Variants in MEIS1 observed in about 807,000 individuals in gnomAD.
MEIS1 encodes the protein Meis homeobox 1.
In MEIS1, 5 loss-of-function variants were observed where a neutral mutation model predicts 50.8. The ratio of observed to expected loss-of-function variants is 0.10; its 90% CI spans 0.05 to 0.21. The LOEUF (loss-of-function observed/expected upper bound fraction) is 0.21, where lower values mean the gene tolerates loss of function less well. Ranked by LOEUF, MEIS1 falls within the 10% of genes least tolerant of loss-of-function variation. The pLI is 1.00. For missense variants in MEIS1, 318 were observed against 517.3 expected, an observed-to-expected ratio of 0.61 and a Z score of 3.74; for synonymous variants, 176 against 179.3, an observed-to-expected ratio of 0.98 and a Z score of 0.15.
chr2:66,532,022 C>CT (rs1388689844), intron 8 of MEIS1, among the ~76,000 whole-genome samples: 2 of 151,588 alleles, frequency 1.3e-5, no homozygotes, highest in East Asian at 1.9e-4. Context: ...GTATTTCTTT[C>CT]TTTTTTTTCT....
chr2:66,564,786 A>C (rs1386947082), intron 9 of MEIS1, among the ~76,000 whole-genome samples: 5 of 151,658 alleles, frequency 3.3e-5, no homozygotes, highest in Admixed American at 1.3e-4. Flanking sequence ...GGTTTGTTAC[A>C]TATGTATACA....
At chr2:66,483,678 A>C in intron 7 of MEIS1, among the ~76,000 whole-genome samples, 1 of 152,208 alleles carries the variant, frequency 6.6e-6, no homozygotes, top group Non-Finnish European at 1.5e-5. Flanking sequence ...CCTTGGGTCT[A>C]CTGGATTCCT....
At chr2:66,571,191 C>G in intron 12 of MEIS1, 55 bp from the exon 13 acceptor site, 1 of 1,530,546 alleles carries the variant, frequency 6.5e-7, no homozygotes, top group Non-Finnish European at 8.8e-7. Flanking sequence ...CAGGACCACA[C>G]TATTGCTTTT....
At chr2:66,506,180 G>C (rs909801343) in intron 7 of MEIS1, among the ~76,000 whole-genome samples, 2 of 152,156 alleles carry the variant, frequency 1.3e-5, no homozygotes, top group Admixed American at 1.3e-4. Flanking sequence ...GAAATAAACA[G>C]TTTTAGCAGA....
At chr2:66,452,600 A>G (rs1455874070) in intron 6 of MEIS1, among the ~76,000 whole-genome samples, 1 of 151,998 alleles carries the variant, frequency 6.6e-6, no homozygotes, top group African/African-American at 2.4e-5. Context: ...AGAAACAGGA[A>G]TTTTACATTT....
intron 8 of MEIS1, among the ~76,000 whole-genome samples, chr2:66,513,461 G>A (rs1268412836): frequency 6.6e-6 from 1 of 152,086 alleles, no homozygotes; most frequent in Non-Finnish European, 1.5e-5. Context: ...TACAAACTCA[G>A]GGGATGTCTG....
intron 8 of MEIS1, among the ~76,000 whole-genome samples, chr2:66,528,634 G>C (rs944979118): frequency 2.6e-5 from 4 of 152,050 alleles, no homozygotes; most frequent in Non-Finnish European, 5.9e-5. Flanking sequence ...TTCCCACCTA[G>C]CTCCATTGCC....
intron 9 of MEIS1, among the ~76,000 whole-genome samples, chr2:66,566,310 A>C (rs1434719715): frequency 6.6e-6 from 1 of 152,164 alleles, no homozygotes; most frequent in Admixed American, 6.5e-5. Flanking sequence ...CTGTCTGTTT[A>C]ATGGTTTGGT....
intron 9 of MEIS1, among the ~76,000 whole-genome samples, chr2:66,556,431 C>G (rs1471984096): frequency 6.6e-6 from 1 of 150,924 alleles, no homozygotes; most frequent in Non-Finnish European, 1.5e-5. Context: ...CTACATGTAA[C>G]TTAGCTCAAA....
intron 9 of MEIS1, among the ~76,000 whole-genome samples, chr2:66,554,268 G>A (rs1400113423): frequency 6.6e-6 from 1 of 152,222 alleles, no homozygotes; most frequent in African/African-American, 2.4e-5. Context: ...TGGTATGCAG[G>A]TCAGCACAAC....
chr2:66,492,055 G>A (rs1306357314), intron 7 of MEIS1, among the ~76,000 whole-genome samples: 1 of 148,706 alleles, frequency 6.7e-6, no homozygotes, highest in Non-Finnish European at 1.5e-5. Context: ...AACAGGAAAA[G>A]TGTGAGCGTT....
Position 66,551,281 on chromosome 2 carries a change from G to A in MEIS1, c.965+3262G>A, listed in dbSNP as rs1674913377. On this transcript the variant is annotated intron_variant, in intron 9 of 12. Coordinates refer to ENST00000272369, the MANE Select transcript of MEIS1 (RefSeq NM_002398.3). ...TAATTTTACATTTCTCGAATTGACA[G>A]TGATATATACTACCTGCCTCAGGTG... Among the ~76,000 whole-genome samples the A allele has an allele frequency of 2.0e-5, 3 of 152,224 alleles. 1 individual carries two copies. The South Asian group carries it at 6.2e-4, about 32-fold the overall frequency.
In MEIS1 at chr2:66,492,296, C is replaced by T. The variant is rs139595937; in HGVS notation, c.743-19853C>T. ...CTTATAGACACAACTCCACATGTTC[C>T]GTAGAAGTTGGAAAATAGAATGTGC... On this transcript the variant is annotated intron_variant, in intron 7 of 12. Transcript: ENST00000272369. Among the ~76,000 whole-genome samples the T allele has an allele frequency of 9.2e-5, 14 of 152,022 alleles. No individual in the cohort carries two copies. The East Asian group carries it at 2.3e-3, about 25-fold the overall frequency.
chr2:66,478,026 T>A (rs1236908914), intron 7 of MEIS1, among the ~76,000 whole-genome samples: 1 of 152,220 alleles, frequency 6.6e-6, no homozygotes, highest in East Asian at 1.9e-4. Flanking sequence ...TGTCACCTGG[T>A]ACTTAGTGTG....
intron 9 of MEIS1, among the ~76,000 whole-genome samples, chr2:66,550,099 A>C (rs1294841890): frequency 6.6e-6 from 1 of 152,218 alleles, no homozygotes. Context: ...ATTTTAAAGT[A>C]TATGCAGACT....
At position 66,494,632 on chromosome 2, in the gene MEIS1, C is replaced by A. The variant is rs1475763220; in HGVS notation, c.743-17517C>A. 2.0e-5 allele frequency among the ~76,000 whole-genome samples: 3 copies of A among 152,338 alleles called. No homozygotes were observed. The South Asian group carries it at 6.2e-4, about 32-fold the overall frequency. On this transcript the variant is annotated intron_variant, in intron 7 of 12. Coordinates refer to ENST00000272369, the MANE Select transcript of MEIS1 (RefSeq NM_002398.3). ...ATTCGCACATGGAAAATGCACCTAC[C>A]TCTGTATTGGAGGATCCCGGAGGAA...
At position 66,571,666 on chromosome 2, in the gene MEIS1, G is replaced by T. The variant is rs1003898276; in HGVS notation, c.*458G>T. ...AATTCTTCATAGGGACCTTTAAAAA[G>T]CAGGAAATACCAACTGAAGTCAATT... On this transcript the variant is annotated 3_prime_UTR_variant, in exon 13 of 13. Transcript: ENST00000272369. 2 of 1,013,810 alleles carry T rather than the reference G, an allele frequency of 2.0e-6. No individual in the cohort carries two copies. Among genetic ancestry groups the T allele is most frequent in the Admixed American group, 5.6e-5 (2 of 35,696 alleles). The allele number at this position is 1,013,810 out of a possible 1,614,324, so 62.8% of individuals were successfully genotyped here. A position where few individuals can be genotyped will look rare whatever the true frequency, so the allele number is the denominator to read the frequency against.
chr2:66,464,099 G>T lies in MEIS1; in HGVS notation c.631-10G>T, dbSNP rs1278363201. 2.5e-6 allele frequency: 4 copies of T among 1,577,844 alleles called. No individual in the cohort carries two copies. The highest frequency in any genetic ancestry group is 2.3e-5 in the South Asian group (2 of 86,014). On this transcript the variant is annotated splice_polypyrimidine_tract_variant and intron_variant, in intron 6 of 12. Transcript: ENST00000272369. ...CCTCTTATTTGGGTTTCTGATTTGT[G>T]CCCCCACAGCCCTCTTGGAACAGAG... is the stretch of plus-strand genomic sequence containing the variant.
At chr2:66,504,110 T>C (rs12373638) in intron 7 of MEIS1, among the ~76,000 whole-genome samples, 91,884 of 151,784 alleles carry the variant, frequency 0.61, 28,377 homozygotes, top group East Asian at 0.8. Flanking sequence ...AGTAAATTCA[T>C]AGGAAGAAGT....
Sources: gnomAD v4.1 joint callset for allele counts (sites outside exome capture counted in the v4.1 genomes callset) on GRCh38, gnomAD v4.1.1 for gene constraint, MANE v1.5 for transcripts, NCBI Gene and HGNC (gene_info 2026-07-23, HGNC 2026-07-21) for gene names.